The following CNGA3 variants were observed in gnomAD, a reference collection of about 807,000 sequenced individuals.
CNGA3 encodes the protein cyclic nucleotide-gated channel alpha-3.
A neutral mutation model predicts 46.6 loss-of-function variants in CNGA3; 42 were observed. That is an observed-to-expected ratio of 0.90 (90% CI 0.70 to 1.17). CNGA3 has a LOEUF of 1.17. Ranked by LOEUF, CNGA3 falls within the 50% of genes most tolerant of loss-of-function variation. The probability of loss-of-function intolerance (pLI) is 0.00; values close to 1 mark genes in which losing one functional copy is unlikely to be tolerated. For synonymous variants in CNGA3, 394 were observed against 369.4 expected, an observed-to-expected ratio of 1.07 and a Z score of -0.76; for missense variants, 893 against 890.7, an observed-to-expected ratio of 1.00 and a Z score of -0.03.
In CNGA3 at chr2:98,397,045, C is replaced by A; in HGVS notation, c.1875C>A (p.Asp625Glu). 1.2e-6 allele frequency: 2 copies of A among 1,614,094 alleles called. No homozygotes were observed. The highest frequency in any genetic ancestry group is 1.7e-6 in the Non-Finnish European group (2 of 1,180,008). ...CCAGGGCGGGCGCGGACCCCAAGGA[C>A]CTTGAGGAGAAAGTGGAGCAGCTGG... Reference protein sequence around the residue: ...ELARAGADPKDLEEKVEQLGS... With the variant: ...ELARAGADPKELEEKVEQLGS... The change falls in exon 8 of 8, where the codon GAC becomes GAA. Residue 625 changes from aspartate (D) to glutamate (E), a missense_variant. This residue lies in a region of CNGA3 where 548 missense variants were observed against 570.8 expected (regional missense o/e 0.96). Transcript: ENST00000272602.
chr2:98,381,514 T>G (rs971380597), intron 4 of CNGA3, among the ~76,000 whole-genome samples: 3 of 152,022 alleles, frequency 2.0e-5, no homozygotes, highest in Non-Finnish European at 4.4e-5. Context: ...ATTCCATATT[T>G]GTATGGGGAG....
intron 2 of CNGA3, among the ~76,000 whole-genome samples, chr2:98,375,345 A>T (rs1692381303): frequency 6.6e-6 from 1 of 152,170 alleles, no homozygotes; most frequent in African/African-American, 2.4e-5. Flanking sequence ...GAACACCTCC[A>T]TCCTTGGGAT....
Position 98,395,975 on chromosome 2 carries a change from A to G in CNGA3, c.805A>G (p.Asn269Asp). Residue 269 changes from asparagine to aspartate, a missense_variant, in exon 8 of 8, where the codon AAC becomes GAC. Physicochemically the swap from Asn to Asp is conservative, Grantham distance 23. This residue lies in a region of CNGA3 where 548 missense variants were observed against 570.8 expected (regional missense o/e 0.96). Coordinates refer to ENST00000272602, the MANE Select transcript of CNGA3 (RefSeq NM_001298.3). ...TDLAYLKVGT[N>D]YPEVRFNRLL... The stretch of plus-strand genomic sequence containing the variant: ...CCTGGCTTACTTAAAGGTGGGCACA[A>G]ACTACCCAGAAGTGAGGTTCAACCG... 1 of 1,614,246 alleles carries G rather than the reference A, an allele frequency of 6.2e-7. No individual in the cohort carries two copies. Among genetic ancestry groups the G allele is most frequent in the Non-Finnish European group, 8.5e-7 (1 of 1,180,044 alleles).
intron 1 of CNGA3, among the ~76,000 whole-genome samples, chr2:98,362,875 G>A (rs1574364059): frequency 6.6e-6 from 1 of 152,192 alleles, no homozygotes; most frequent in Non-Finnish European, 1.5e-5. Context: ...CATATGGCTA[G>A]CCAGTTCTCC....
At chr2:98,367,461 G>A (rs925201804) in intron 1 of CNGA3, among the ~76,000 whole-genome samples, 10 of 152,116 alleles carry the variant, frequency 6.6e-5, no homozygotes, top group Non-Finnish European at 1.2e-4. Context: ...CCCAAAGTGC[G>A]GGGATTACGG....
intron 4 of CNGA3, among the ~76,000 whole-genome samples, chr2:98,381,013 A>G (rs1021731587): frequency 1.3e-5 from 2 of 152,064 alleles, no homozygotes; most frequent in Non-Finnish European, 2.9e-5. Context: ...CCCCCACCCT[A>G]ACTGGGAGAT....
At chr2:98,359,790 C>T (rs924678828) in intron 1 of CNGA3, among the ~76,000 whole-genome samples, 1 of 152,202 alleles carries the variant, frequency 6.6e-6, no homozygotes, top group African/African-American at 2.4e-5. Context: ...TGCTCCTTGG[C>T]CATCCTTGGG....
chr2:98,390,423 C>T (rs1429329930), intron 6 of CNGA3, among the ~76,000 whole-genome samples: 1 of 151,948 alleles, frequency 6.6e-6, no homozygotes, highest in African/African-American at 2.4e-5. Flanking sequence ...TGCTGGGATT[C>T]CAGGTGTGAG....
intron 1 of CNGA3, among the ~76,000 whole-genome samples, chr2:98,349,918 G>A (rs1691737240): frequency 6.6e-6 from 1 of 152,182 alleles, no homozygotes; most frequent in African/African-American, 2.4e-5. Context: ...CATTAACCAA[G>A]ACAGTACTGC....
chr2:98,375,826 G>T (rs1692390666), intron 2 of CNGA3, among the ~76,000 whole-genome samples: 1 of 151,978 alleles, frequency 6.6e-6, no homozygotes, highest in African/African-American at 2.4e-5. Flanking sequence ...TTTTGAAATG[G>T]GATGGAATAA....
intron 4 of CNGA3, among the ~76,000 whole-genome samples, chr2:98,382,594 A>G (rs1252675435): frequency 6.6e-6 from 1 of 152,230 alleles, no homozygotes; most frequent in Non-Finnish European, 1.5e-5. Context: ...GTGGTCTCCT[A>G]TGAGGGGTCT....
At position 98,380,289 on chromosome 2, in the gene CNGA3, G is replaced by A; in HGVS notation, c.330G>A (p.Val110=). ...TCCGTGGAGCCGAGCTTAAGGAGGT[G>A]TCCAGCCAAGAAAGCAATGCCCAGG... ...DRFRGAELKE[V]SSQESNAQAN... Residue 110 remains valine (V), a synonymous_variant, in exon 4 of 8, where the codon GTG becomes GTA. Coordinates refer to ENST00000272602, the MANE Select transcript of CNGA3 (RefSeq NM_001298.3). 6.2e-7 allele frequency: 1 copy of A among 1,614,188 alleles called. No homozygotes were observed. Among genetic ancestry groups the A allele is most frequent in the Non-Finnish European group, 8.5e-7 (1 of 1,180,026 alleles).
chr2:98,392,115 T>C (rs898350927), intron 7 of CNGA3, 145 bp downstream of exon 7: 1 of 732,374 alleles, frequency 1.4e-6, no homozygotes, highest in African/African-American at 1.7e-5. Flanking sequence ...GGGTAGGTGG[T>C]GCGGCCTCAA....
chr2:98,358,796 G>A (rs996240015), intron 1 of CNGA3, among the ~76,000 whole-genome samples: 7 of 152,160 alleles, frequency 4.6e-5, no homozygotes, highest in African/African-American at 1.7e-4. Context: ...TTTCCCTTTA[G>A]TGATGTACAT....
Position 98,397,140 on chromosome 2 carries a change from A to G in CNGA3, c.1970A>G (p.Lys657Arg), listed in dbSNP as rs1391667081. The G allele has an allele frequency of 5.0e-6, 8 of 1,614,154 alleles. No homozygotes were observed. The highest frequency in any genetic ancestry group is 5.9e-6 in the Non-Finnish European group (7 of 1,180,008). Reference protein sequence around the residue: ...LLAEYNATQMKMKQRLSQLES... With the variant: ...LLAEYNATQMRMKQRLSQLES... The stretch of plus-strand genomic sequence containing the variant: ...GCTGAGTACAACGCCACCCAGATGA[A>G]GATGAAGCAGCGTCTCAGCCAACTG... Residue 657 changes from lysine to arginine, a missense_variant, in exon 8 of 8, where the codon AAG (lysine) becomes AGG (arginine). By Grantham distance (26) the Lys-to-Arg change is conservative. Transcript: ENST00000272602.
At chr2:98,392,270 G>GCAGGC (rs1301957625) in intron 7 of CNGA3, among the ~76,000 whole-genome samples, 2 of 152,310 alleles carry the variant, frequency 1.3e-5, no homozygotes, top group Admixed American at 6.5e-5. Context: ...TCTGAGATAA[G>GCAGGC]CAGGCCAGGC....
chr2:98,357,075 C>T (rs891415410), intron 1 of CNGA3, among the ~76,000 whole-genome samples: 3 of 152,204 alleles, frequency 2.0e-5, no homozygotes, highest in African/African-American at 7.2e-5. Flanking sequence ...TTATCACACG[C>T]TCTACTACCT....
Position 98,377,894 on chromosome 2 carries a change from G to A in CNGA3, c.215+94G>A, listed in dbSNP as rs1692445063. 8.8e-5 allele frequency: 117 copies of A among 1,326,586 alleles called. 1 individual carries two copies. In the South Asian group the frequency reaches 1.6e-3, roughly 18 times the overall value. The allele number at this position is 1,326,586 out of a possible 1,614,324, so 82.2% of individuals were successfully genotyped here. A position where few individuals can be genotyped will look rare whatever the true frequency, so the allele number is the denominator to read the frequency against. On this transcript the variant is annotated intron_variant, in intron 3 of 7. Coordinates refer to ENST00000272602, the MANE Select transcript of CNGA3 (RefSeq NM_001298.3). Reference sequence around the variant, plus strand: ...TCAGGAAAAAGTGCTAGATGGGGGTGGAGTTGAAGATTTGGAAAAGAAAGG... The same window carrying A: ...TCAGGAAAAAGTGCTAGATGGGGGTAGAGTTGAAGATTTGGAAAAGAAAGG...
chr2:98,380,143 C>T (rs755183055), intron 3 of CNGA3, 32 bp from the exon 4 acceptor site: 10 of 1,612,700 alleles, frequency 6.2e-6, no homozygotes, highest in African/African-American at 4.0e-5. Flanking sequence ...CTTTTCCTCT[C>T]CCTCTGGCTC....
Sources: allele counts gnomAD v4.1 joint callset (sites outside exome capture counted in the v4.1 genomes callset), GRCh38; gene constraint gnomAD v4.1.1; regional missense constraint gnomAD v4.1.1; transcripts MANE v1.5; gene names NCBI Gene and HGNC (gene_info 2026-07-23, HGNC 2026-07-21).